PTPN23: variants seen among roughly 807,000 people sequenced by gnomAD.
The protein encoded by PTPN23 is tyrosine-protein phosphatase non-receptor type 23.
A neutral mutation model predicts 156.3 loss-of-function variants in PTPN23; 72 were observed. That is an observed-to-expected ratio of 0.46 (90% CI 0.38 to 0.56). PTPN23 has a LOEUF of 0.56. Among genes scored for constraint, PTPN23 ranks in the 20% least tolerant of loss-of-function variants. PTPN23 has a pLI of 0.00. For synonymous variants in PTPN23, 957 were observed against 899.6 expected, an observed-to-expected ratio of 1.06 and a Z score of -1.14; for missense variants, 1,974 against 2,171.5, an observed-to-expected ratio of 0.91 and a Z score of 1.81.
Position 47,409,327 on chromosome 3 carries a change from G to C in PTPN23, c.1797+10G>C. The C allele has an allele frequency of 6.2e-7, 1 of 1,613,940 alleles. No homozygotes were observed. The highest frequency in any genetic ancestry group is 8.5e-7 in the Non-Finnish European group (1 of 1,179,922). ...CCACTCAGAGATGAAGGTGGGCTGG[G>C]TGAGCAGGGTAGAGGGGCTCTGGCT... On this transcript the variant is annotated intron_variant, in intron 17 of 24. Coordinates refer to ENST00000265562, the MANE Select transcript of PTPN23 (RefSeq NM_015466.4).
Position 47,410,284 on chromosome 3 carries a change from C to T in PTPN23, c.2486C>T (p.Pro829Leu), listed in dbSNP as rs138076291. The change falls in exon 20 of 25, where the codon CCG becomes CTG. Residue 829 changes from proline to leucine, a missense_variant. Transcript: ENST00000265562. ...PALYPAPAYT[P>L]ELGLVPRSSP... Reference sequence around the variant, plus strand: ...CTCTACCCAGCCCCTGCCTACACACCGGAGCTGGGCCTTGTGCCCCGATCC... The same window carrying T: ...CTCTACCCAGCCCCTGCCTACACACTGGAGCTGGGCCTTGTGCCCCGATCC... 23 of 1,606,516 alleles carry T rather than the reference C, an allele frequency of 1.4e-5. No individual in the cohort carries two copies. The highest frequency in any genetic ancestry group is 1.7e-4 in the Middle Eastern group (1 of 6,028).
Position 47,405,047 on chromosome 3 carries a change from C to A in PTPN23, c.330C>A (p.Ile110=). ...FSGKSVAHED[I]KYEQACILYN... The stretch of plus-strand genomic sequence containing the variant: ...GCAAGTCTGTGGCCCATGAGGACAT[C>A]AAGTACGAGCAGGCCTGTATTCTCT... Residue 110 remains isoleucine, a synonymous_variant, in exon 4 of 25, where the codon ATC becomes ATA. Transcript: ENST00000265562. The surrounding 1 kb of genome is among the most constrained non-coding windows in gnomAD (Gnocchi z 4.7). 6.2e-7 allele frequency: 1 copy of A among 1,614,238 alleles called. No homozygotes were observed. Among genetic ancestry groups the A allele is most frequent in the Non-Finnish European group, 8.5e-7 (1 of 1,180,042 alleles).
chr3:47,407,771 C>G lies in PTPN23; in HGVS notation c.1078C>G (p.Leu360Val), dbSNP rs2107717341. The change falls in exon 13 of 25, where the codon CTG (leucine) becomes GTG (valine). Residue 360 changes from leucine (L) to valine (V), a missense_variant. Leu to Val is a conservative substitution (Grantham distance 32). Coordinates refer to ENST00000265562, the MANE Select transcript of PTPN23 (RefSeq NM_015466.4). The surrounding 1 kb of genome is among the most constrained non-coding windows in gnomAD (Gnocchi z 4.0). ...AVTGPDIFAK[L>V]VPMAAHEASS... ...TACAGGCCCTGACATCTTTGCCAAA[C>G]TGGTACCCATGGCTGCCCACGAGGC... 1 of 1,614,148 alleles carries G rather than the reference C, an allele frequency of 6.2e-7. No individual in the cohort carries two copies. Among genetic ancestry groups the G allele is most frequent in the South Asian group, 1.1e-5 (1 of 91,088 alleles).
Position 47,390,321 on chromosome 3 carries a change from C to A in PTPN23, c.85-5822C>A, listed in dbSNP as rs550470789. Among the ~76,000 whole-genome samples, 5 of 152,306 alleles carry A rather than the reference C, an allele frequency of 3.3e-5. No homozygotes were observed. In the South Asian group the frequency reaches 1.0e-3, roughly 32 times the overall value. On this transcript the variant is annotated intron_variant, in intron 1 of 24. Coordinates refer to ENST00000265562, the MANE Select transcript of PTPN23 (RefSeq NM_015466.4). ...TGTAATCTGGTAACTCCTTTCTTTT[C>A]TTTTTCCCCTCGGTGGCTGTGATCC...
At position 47,411,656 on chromosome 3, in the gene PTPN23, C is replaced by T; in HGVS notation, c.3858C>T (p.Val1286=). 2 of 1,605,906 alleles carry T rather than the reference C, an allele frequency of 1.2e-6. No individual in the cohort carries two copies. Among genetic ancestry groups the T allele is most frequent in the South Asian group, 2.2e-5 (2 of 90,920 alleles). The change falls in exon 20 of 25, where the codon GTC becomes GTT. Residue 1286 remains valine, a synonymous_variant. Transcript: ENST00000265562. The surrounding 1 kb of genome is among the most constrained non-coding windows in gnomAD (Gnocchi z 6.3). ...ATGAGCAGAAAGTGTCAGTCATTGT[C>T]ATGCTGGTTTCTGAGGCTGAGATGG... The part of the protein sequence containing the change: ...MVHEQKVSVI[V]MLVSEAEMEK...
Position 47,410,135 on chromosome 3 carries a change from C to T in PTPN23, c.2337C>T (p.Ser779=), listed in dbSNP as rs772264052. ...LHFPPSPFPS[S]TGPGPHYLSG... ...TTCCTCCCAGCCCCTTCCCCAGCTC[C>T]ACAGGCCCAGGACCCCACTATCTCT... Residue 779 remains serine, a synonymous_variant, in exon 20 of 25, where the codon TCC becomes TCT. Coordinates refer to ENST00000265562, the MANE Select transcript of PTPN23 (RefSeq NM_015466.4). The T allele has an allele frequency of 1.9e-6, 3 of 1,595,444 alleles. No individual in the cohort carries two copies. The highest frequency in any genetic ancestry group is 2.3e-5 in the South Asian group (2 of 87,988).
Position 47,409,990 on chromosome 3 carries a change from A to T in PTPN23, c.2192A>T (p.Glu731Val), listed in dbSNP as rs1232537837. 3 of 1,599,616 alleles carry T rather than the reference A, an allele frequency of 1.9e-6. No homozygotes were observed. Among genetic ancestry groups the T allele is most frequent in the Non-Finnish European group, 2.6e-6 (3 of 1,174,304 alleles). ...CCAAAGCCGCTGCTGCCCCGCAGGG[A>T]GGAGAGTGAGGCAGTGGAAGCAGGA... is the stretch of plus-strand genomic sequence containing the variant. ...TAPKPLLPRR[E>V]ESEAVEAGDP... Residue 731 changes from glutamate to valine, a missense_variant, in exon 20 of 25, where the codon GAG (glutamate) becomes GTG (valine). Around this residue, in one of 4 missense-constraint regions of PTPN23, gnomAD observed 731 missense variants for 669.1 expected, o/e 1.09. Coordinates refer to ENST00000265562, the MANE Select transcript of PTPN23 (RefSeq NM_015466.4).
Position 47,411,999 on chromosome 3 carries a change from G to T in PTPN23, c.4073+32G>T. 6.2e-6 allele frequency: 10 copies of T among 1,606,032 alleles called. No individual in the cohort carries two copies. Among genetic ancestry groups the T allele is most frequent in the African/African-American group, 1.3e-5 (1 of 74,944 alleles). On this transcript the variant is annotated intron_variant, in intron 21 of 24. Transcript: ENST00000265562. The surrounding 1 kb of genome is among the most constrained non-coding windows in gnomAD (Gnocchi z 6.3). Reference sequence around the variant, plus strand: ...CCACTGCTCTGGATGGTGGTTGGGGGTCTAAGTGCTGTCCAGTCCTTGGTG... The same window carrying T: ...CCACTGCTCTGGATGGTGGTTGGGGTTCTAAGTGCTGTCCAGTCCTTGGTG...
chr3:47,391,392 C>T (rs1251001618), intron 1 of PTPN23, among the ~76,000 whole-genome samples: 2 of 152,192 alleles, frequency 1.3e-5, no homozygotes, highest in African/African-American at 2.4e-5. Flanking sequence ...TTGGTGAATA[C>T]CCTAACTCTT....
chr3:47,388,579 A>G (rs970380047), intron 1 of PTPN23, among the ~76,000 whole-genome samples: 1 of 152,086 alleles, frequency 6.6e-6, no homozygotes, highest in African/African-American at 2.4e-5. Flanking sequence ...TCTTTGTGTT[A>G]CAGACAATCC....
chr3:47,405,625 C>T lies in PTPN23; in HGVS notation c.365-124C>T, dbSNP rs1705102569. 5.1e-6 allele frequency: 5 copies of T among 985,394 alleles called. No individual in the cohort carries two copies. Among genetic ancestry groups the T allele is most frequent in the African/African-American group, 1.6e-5 (1 of 61,650 alleles). 61.0% of individuals were successfully genotyped at this position (985,394 alleles called of 1,614,324 possible). The stretch of plus-strand genomic sequence containing the variant: ...TCCCTCCAGCTTGGGTGTCCTTGGA[C>T]TCGTTGCCCTGGTTCTCAGAGCCAT... On this transcript the variant is annotated intron_variant, in intron 4 of 24. Coordinates refer to ENST00000265562, the MANE Select transcript of PTPN23 (RefSeq NM_015466.4). The surrounding 1 kb of genome is among the most constrained non-coding windows in gnomAD (Gnocchi z 4.7).
chr3:47,389,377 G>A (rs1042875433), intron 1 of PTPN23, among the ~76,000 whole-genome samples: 4 of 152,034 alleles, frequency 2.6e-5, no homozygotes, highest in South Asian at 2.1e-4. Flanking sequence ...TTGGGATGCC[G>A]AGGTGGGAGG....
Position 47,407,823 on chromosome 3 carries a change from G to A in PTPN23, c.1118+12G>A. Reference sequence around the variant, plus strand: ...TCGTCACTGTACAGGTGGGTGGAGGGTGGCACAGAGGGAGGTGGGGTGTCT... The same window carrying A: ...TCGTCACTGTACAGGTGGGTGGAGGATGGCACAGAGGGAGGTGGGGTGTCT... On this transcript the variant is annotated intron_variant, in intron 13 of 24. Coordinates refer to ENST00000265562, the MANE Select transcript of PTPN23 (RefSeq NM_015466.4). The surrounding 1 kb of genome is among the most constrained non-coding windows in gnomAD (Gnocchi z 4.0). 1 of 1,614,122 alleles carries A rather than the reference G, an allele frequency of 6.2e-7. No individual in the cohort carries two copies. Among genetic ancestry groups the A allele is most frequent in the Non-Finnish European group, 8.5e-7 (1 of 1,179,940 alleles).
chr3:47,389,042 C>A (rs1042445356), intron 1 of PTPN23, among the ~76,000 whole-genome samples: 1 of 152,118 alleles, frequency 6.6e-6, no homozygotes, highest in Non-Finnish European at 1.5e-5. Context: ...TCCCCCACCC[C>A]ACTCCCACTA....
chr3:47,411,563 C>G lies in PTPN23; in HGVS notation c.3765C>G (p.Tyr1255Ter). 6.2e-7 allele frequency: 1 copy of G among 1,612,742 alleles called. No homozygotes were observed. Among genetic ancestry groups the G allele is most frequent in the Non-Finnish European group, 8.5e-7 (1 of 1,179,976 alleles). Residue 1255 changes from tyrosine (Y) to a stop codon, truncating the protein, a stop_gained, in exon 20 of 25, where the codon TAC becomes TAG. Coordinates refer to ENST00000265562, the MANE Select transcript of PTPN23 (RefSeq NM_015466.4). LOFTEE classifies it high-confidence loss of function. This position sits in a 1 kb window ranked among gnomAD's most constrained non-coding sequence, Gnocchi z 6.3. ...NASCVEGLSP[Y>*]CPPLVATQAP... ...GCTGCGTGGAGGGGCTCTCCCCATA[C>G]TGCCCCCCGCTAGTGGCAACCCAGG...
chr3:47,381,600 C>A (rs929722703), intron 1 of PTPN23, among the ~76,000 whole-genome samples: 1 of 152,182 alleles, frequency 6.6e-6, no homozygotes, highest in Admixed American at 6.5e-5. Flanking sequence ...GTCAAGTCCA[C>A]GCCCGCCTGG....
chr3:47,403,441 G>A (rs993417918), intron 2 of PTPN23, among the ~76,000 whole-genome samples: 1 of 151,972 alleles, frequency 6.6e-6, no homozygotes, highest in African/African-American at 2.4e-5. Flanking sequence ...AGTTTTCATG[G>A]CTGCAGCATA....
intron 2 of PTPN23, 87 bp from the exon 3 acceptor site, chr3:47,404,565 C>T: frequency 6.4e-7 from 1 of 1,551,418 alleles, no homozygotes; most frequent in Non-Finnish European, 8.8e-7. Context: ...AGCTGTGATG[C>T]ATTTTCCTGG....
chr3:47,409,887 G>C, intron 19 of PTPN23, 41 bp from the exon 20 acceptor site: 1 of 1,582,320 alleles, frequency 6.3e-7, no homozygotes, highest in Non-Finnish European at 8.6e-7. Flanking sequence ...AGGCTGGGGT[G>C]ATGGGAGCCT....
Sources: allele counts gnomAD v4.1 joint callset (sites outside exome capture counted in the v4.1 genomes callset), GRCh38; gene constraint gnomAD v4.1.1; regional missense constraint gnomAD v4.1.1; non-coding constraint Gnocchi (gnomAD v3.1); transcripts MANE v1.5; gene names NCBI Gene and HGNC (gene_info 2026-07-23, HGNC 2026-07-21).